LOC128462377: variants seen among roughly 807,000 people sequenced by gnomAD.
At chr16:89,378,068 T>C in the LOC128462377 span, among the ~76,000 whole-genome samples, 1 of 152,202 alleles carries the variant, frequency 6.6e-6, no homozygotes, top group Non-Finnish European at 1.5e-5. Flanking sequence ...ATATAAAATA[T>C]GAGGGGCATG....
At chr16:89,371,656 C>T in the LOC128462377 span, among the ~76,000 whole-genome samples, 1 of 152,080 alleles carries the variant, frequency 6.6e-6, no homozygotes, top group Non-Finnish European at 1.5e-5. Context: ...GTGTGGAGGG[C>T]GATGCAGACT....
the LOC128462377 span, among the ~76,000 whole-genome samples, chr16:89,355,745 A>G: frequency 6.6e-6 from 1 of 152,216 alleles, no homozygotes; most frequent in Non-Finnish European, 1.5e-5. Flanking sequence ...CGTCGAGGGC[A>G]GGTCTTGTGT....
At chr16:89,408,788 T>C in the LOC128462377 span, among the ~76,000 whole-genome samples, 1 of 152,180 alleles carries the variant, frequency 6.6e-6, no homozygotes, top group Non-Finnish European at 1.5e-5. Flanking sequence ...CCTAAACATC[T>C]TTTGAGGCCT....
chr16:89,365,935 CCATT>C, the LOC128462377 span, among the ~76,000 whole-genome samples: 2 of 152,024 alleles, frequency 1.3e-5, no homozygotes, highest in Non-Finnish European at 2.9e-5. Context: ...CATTTCGTTC[CCATT>C]CATAAGTGAC....
At chr16:89,371,592 C>A in the LOC128462377 span, among the ~76,000 whole-genome samples, 1 of 152,166 alleles carries the variant, frequency 6.6e-6, no homozygotes, top group Admixed American at 6.5e-5. Context: ...GCGCCGCTCC[C>A]CACATTCAAG....
the LOC128462377 span, among the ~76,000 whole-genome samples, chr16:89,331,813 C>T: frequency 6.6e-6 from 1 of 152,142 alleles, no homozygotes; most frequent in Non-Finnish European, 1.5e-5. Context: ...TTCATTTAGT[C>T]TAAGATACGG....
At chr16:89,381,331 C>CAAAAAAAAAAAAAA in the LOC128462377 span, among the ~76,000 whole-genome samples, 2 of 76,354 alleles carry the variant, frequency 2.6e-5, no homozygotes, top group African/African-American at 1.1e-4. Flanking sequence ...GACTCTGCTG[C>CAAAAAAAAAAAAAA]AAAAAAAAAA....
chr16:89,380,223 C>T, the LOC128462377 span, among the ~76,000 whole-genome samples: 1 of 152,332 alleles, frequency 6.6e-6, no homozygotes, highest in East Asian at 1.9e-4. Flanking sequence ...AGCAATTCTC[C>T]TGTCTCTGCC....
At chr16:89,317,220 G>A in the LOC128462377 span, 6 of 686,570 alleles carry the variant, frequency 8.7e-6, no homozygotes, top group South Asian at 4.9e-5. Context: ...CCAGGCCCAG[G>A]AAGGGACTTC....
chr16:89,331,705 C>G, the LOC128462377 span, among the ~76,000 whole-genome samples: 6 of 152,282 alleles, frequency 3.9e-5, no homozygotes, highest in African/African-American at 1.4e-4. Context: ...CCTACAGCCT[C>G]GAACTCCTGG....
the LOC128462377 span, among the ~76,000 whole-genome samples, chr16:89,377,141 C>T: frequency 1.3e-5 from 2 of 152,292 alleles, no homozygotes; most frequent in East Asian, 3.9e-4. Flanking sequence ...GTGAGTTCAA[C>T]AGCAGAGGCG....
chr16:89,318,610 G>A, the LOC128462377 span, among the ~76,000 whole-genome samples: 49 of 152,230 alleles, frequency 3.2e-4, 1 homozygote, highest in Admixed American at 2.9e-3. Flanking sequence ...CCTCCACCCC[G>A]TCAGCTAAAG....
the LOC128462377 span, among the ~76,000 whole-genome samples, chr16:89,326,483 C>T: frequency 6.6e-6 from 1 of 152,050 alleles, no homozygotes; most frequent in Non-Finnish European, 1.5e-5. Flanking sequence ...GGTGGCTCAC[C>T]CCTGTGGTCC....
At chr16:89,417,543 T>C in the LOC128462377 span, among the ~76,000 whole-genome samples, 3 of 152,064 alleles carry the variant, frequency 2.0e-5, no homozygotes, top group African/African-American at 7.2e-5. Flanking sequence ...TGCCAGTGAC[T>C]CCCAGGAGGA....
the LOC128462377 span, among the ~76,000 whole-genome samples, chr16:89,326,613 G>GC: frequency 6.6e-6 from 1 of 151,984 alleles, no homozygotes; most frequent in Non-Finnish European, 1.5e-5. Context: ...GAGGTGGCAC[G>GC]CACCTGTAAT....
the LOC128462377 span, among the ~76,000 whole-genome samples, chr16:89,391,227 C>CAAAAA: frequency 1.0e-5 from 1 of 95,338 alleles, no homozygotes; most frequent in African/African-American, 3.8e-5. Context: ...GACTCTGTCT[C>CAAAAA]AAAAAAAAAA....
At chr16:89,397,345 T>A in the LOC128462377 span, among the ~76,000 whole-genome samples, 20 of 152,324 alleles carry the variant, frequency 1.3e-4, no homozygotes, top group South Asian at 1.4e-3. Flanking sequence ...GTAAGTGCTG[T>A]CAACTGGATG....
At chr16:89,356,984 G>A in the LOC128462377 span, among the ~76,000 whole-genome samples, 1 of 152,196 alleles carries the variant, frequency 6.6e-6, no homozygotes, top group Non-Finnish European at 1.5e-5. Context: ...AGGGGTTGGT[G>A]GCTGCCTTGT....
the LOC128462377 span, among the ~76,000 whole-genome samples, chr16:89,399,532 G>A: frequency 6.6e-6 from 1 of 152,136 alleles, no homozygotes; most frequent in Non-Finnish European, 1.5e-5. Flanking sequence ...TGTGCAGCAG[G>A]AACACGGGGG....
Sources: allele counts gnomAD v4.1 joint callset (sites outside exome capture counted in the v4.1 genomes callset), GRCh38; gene constraint gnomAD v4.1.1; transcripts MANE v1.5.